The following QRICH1 variants were observed in gnomAD, a reference collection of about 807,000 sequenced individuals.
QRICH1 encodes transcriptional regulator QRICH1.
QRICH1 carries 16 observed loss-of-function variants against 87.1 expected under a neutral mutation model. That is an observed-to-expected ratio of 0.18 (90% confidence interval 0.12 to 0.28). The LOEUF (loss-of-function observed/expected upper bound fraction) is 0.28, where lower values mean the gene tolerates loss of function less well. Among genes scored for constraint, QRICH1 ranks in the 10% least tolerant of loss-of-function variants. The pLI, the probability that QRICH1 is intolerant of heterozygous loss-of-function variation, is 1.00. For synonymous variants in QRICH1, 367 were observed against 368.4 expected (o/e 1.00, Z 0.05); for missense variants, 647 against 951.7 (o/e 0.68, Z 4.21).
intron 3 of QRICH1, among the ~76,000 whole-genome samples, chr3:49,055,736 G>A (rs796530547): frequency 1.3e-5 from 2 of 152,126 alleles, no homozygotes; most frequent in Non-Finnish European, 2.9e-5. Context: ...GCAGTGGCAC[G>A]ATCTCAGCTC....
At chr3:49,046,655 T>A in intron 4 of QRICH1, 76 bp from the exon 5 acceptor site, 1 of 1,493,216 alleles carries the variant, frequency 6.7e-7, no homozygotes. Flanking sequence ...ATACTGCCCA[T>A]CAGGGTGCTG....
rs61729488 is a variant in QRICH1 at position 49,030,471 on chromosome 3, T to G, written c.2312A>C (p.Asn771Thr). The G allele has an allele frequency of 6.2e-7, 1 of 1,613,544 alleles. No homozygotes were observed. The highest frequency in any genetic ancestry group is 8.5e-7 in the Non-Finnish European group (1 of 1,179,996). The stretch of plus-strand genomic sequence containing the variant: ...GGCATCTCAGTGCATAGTGCTTGCA[T>G]TGGCCACTGCGATGGCCTCCTGAAT... Reference protein sequence around the residue: ...REIQEAIAVANASTMH With the variant: ...REIQEAIAVATASTMH The change falls in exon 10 of 10, where the codon AAT becomes ACT. Residue 771 changes from asparagine (N) to threonine (T), a missense_variant. Around this residue, in one of 7 missense-constraint regions of QRICH1, gnomAD observed 56 missense variants for 79.4 expected, o/e 0.71. Transcript: ENST00000395443.
intron 9 of QRICH1, 46 bp from the exon 10 acceptor site, chr3:49,030,690 A>C (rs773768717): frequency 2.1e-6 from 3 of 1,456,272 alleles, no homozygotes; most frequent in Non-Finnish European, 2.8e-6. Context: ...ATATAACTTC[A>C]ACCCTCCCAC....
chr3:49,033,484 T>C, intron 6 of QRICH1: 1 of 321,692 alleles, frequency 3.1e-6, no homozygotes, highest in African/African-American at 2.1e-5. Flanking sequence ...ATGATTGTTG[T>C]TACCCTCTAA....
At chr3:49,074,221 G>A (rs1575369929) in intron 2 of QRICH1, among the ~76,000 whole-genome samples, 1 of 152,124 alleles carries the variant, frequency 6.6e-6, no homozygotes, top group South Asian at 2.1e-4. Flanking sequence ...TACACTATCA[G>A]TAATCAGCCA....
chr3:49,068,293 G>C (rs1326154697), intron 2 of QRICH1, among the ~76,000 whole-genome samples: 2 of 151,844 alleles, frequency 1.3e-5, no homozygotes, highest in Non-Finnish European at 1.5e-5. Context: ...GGAGTTCAAG[G>C]CTGCACTGAG....
intron 2 of QRICH1, among the ~76,000 whole-genome samples, chr3:49,059,885 CTTT>C (rs560174243): frequency 1.4e-5 from 2 of 139,630 alleles, no homozygotes; most frequent in Admixed American, 7.3e-5. Flanking sequence ...ATCCAGCTAA[CTTT>C]TTTTTTTTTT....
intron 2 of QRICH1, among the ~76,000 whole-genome samples, chr3:49,061,800 G>C (rs2093436666): frequency 6.6e-6 from 1 of 152,070 alleles, no homozygotes; most frequent in Non-Finnish European, 1.5e-5. Context: ...GCAGTGAGCC[G>C]AGATTGCACC....
intron 1 of QRICH1, among the ~76,000 whole-genome samples, chr3:49,080,813 G>A (rs1019465394): frequency 1.3e-5 from 2 of 150,548 alleles, no homozygotes; most frequent in Non-Finnish European, 3.0e-5. Flanking sequence ...TGGGGGGTTG[G>A]GGACAGGGAT....
At chr3:49,031,272 G>C (rs555814313) in intron 9 of QRICH1, among the ~76,000 whole-genome samples, 3 of 152,160 alleles carry the variant, frequency 2.0e-5, no homozygotes, top group African/African-American at 4.8e-5. Context: ...ACAGGCGTGA[G>C]CCACGGTGCC....
chr3:49,084,312 G>T (rs2107022906), intron 1 of QRICH1, among the ~76,000 whole-genome samples: 1 of 151,622 alleles, frequency 6.6e-6, no homozygotes, highest in South Asian at 2.1e-4. Context: ...CTGGAGCGTA[G>T]TGGCACGATC....
chr3:49,064,591 C>A (rs145990435), intron 2 of QRICH1, among the ~76,000 whole-genome samples: 1 of 152,010 alleles, frequency 6.6e-6, no homozygotes, highest in Admixed American at 6.6e-5. Flanking sequence ...CCATGCTGGG[C>A]GCAGTGGCTC....
chr3:49,080,251 A>T (rs1559953433), intron 1 of QRICH1, among the ~76,000 whole-genome samples: 1 of 152,168 alleles, frequency 6.6e-6, no homozygotes, highest in Non-Finnish European at 1.5e-5. Flanking sequence ...ACATTTCCTG[A>T]AATGTATTTT....
chr3:49,056,504 T>G lies in QRICH1; in HGVS notation c.1338+358A>C, dbSNP rs183469707. ...AAGTGTTTTGCTAAAACCATTTACT[T>G]ATGATACAAGGAAACAGCACTGGGA... On this transcript the variant is annotated intron_variant, in intron 3 of 9. Coordinates refer to ENST00000395443, the MANE Select transcript of QRICH1 (RefSeq NM_198880.3). Among the ~76,000 whole-genome samples the G allele has an allele frequency of 2.2e-3, 330 of 152,350 alleles. 2 individuals carry two copies. Among genetic ancestry groups the G allele is most frequent in the Admixed American group, 9.9e-3 (152 of 15,288 alleles).
intron 1 of QRICH1, chr3:49,086,950 T>C (rs913076291): frequency 6.6e-6 from 1 of 152,212 alleles, no homozygotes; most frequent in African/African-American, 2.4e-5. Context: ...CATAGCTTAG[T>C]CCAGTTTGAA....
intron 2 of QRICH1, among the ~76,000 whole-genome samples, chr3:49,067,633 T>A (rs2093476031): frequency 1.3e-5 from 2 of 151,926 alleles, no homozygotes. Context: ...TTTTAATTTA[T>A]ATAAGAGCCA....
At chr3:49,041,157 T>C (rs1416462614) in intron 6 of QRICH1, among the ~76,000 whole-genome samples, 3 of 152,002 alleles carry the variant, frequency 2.0e-5, no homozygotes, top group Non-Finnish European at 2.9e-5. Flanking sequence ...TTTTAGTAGA[T>C]ATGGGTTTCC....
At chr3:49,083,221 G>C (rs201413093) in intron 1 of QRICH1, 1 of 45,444 alleles carries the variant, frequency 2.2e-5, no homozygotes, top group African/African-American at 6.3e-5. Context: ...AAAAAAAAAA[G>C]GGGGGGGGGG....
chr3:49,050,061 G>A (rs1365728325), intron 3 of QRICH1, among the ~76,000 whole-genome samples: 3 of 150,640 alleles, frequency 2.0e-5, no homozygotes, highest in Admixed American at 6.6e-5. Flanking sequence ...ATTAGGCTGG[G>A]CGCGGTGGCT....
Sources: allele counts gnomAD v4.1 joint callset (sites outside exome capture counted in the v4.1 genomes callset), GRCh38; gene constraint gnomAD v4.1.1; regional missense constraint gnomAD v4.1.1; transcripts MANE v1.5; gene names NCBI Gene and HGNC (gene_info 2026-07-23, HGNC 2026-07-21).